The following IMPA2 variants were observed in gnomAD, a reference collection of about 807,000 sequenced individuals.
IMPA2 encodes the protein IMP 2.
Under a neutral mutation model 35.1 loss-of-function variants are expected in IMPA2, and 32 were observed. The observed-to-expected ratio is 0.91, with a 90% confidence interval of 0.69 to 1.23. IMPA2 has a LOEUF of 1.23. IMPA2 is among the 50% of genes most tolerant of loss of function. The pLI is 0.00. For missense variants in IMPA2, 334 were observed against 387.6 expected (o/e 0.86, Z 1.16); for synonymous variants, 135 against 160.6 (o/e 0.84, Z 1.20).
At position 12,006,686 on chromosome 18, in the gene IMPA2, G is replaced by GT. The variant is rs753956026; in HGVS notation, c.231-3195dup. Among the ~76,000 whole-genome samples the GT allele has an allele frequency of 1.4e-4, 21 of 152,314 alleles. No homozygotes were observed. The East Asian group carries it at 4.1e-3, about 29-fold the overall frequency. On this transcript the variant is annotated intron_variant, in intron 2 of 7. Coordinates refer to ENST00000269159, the MANE Select transcript of IMPA2 (RefSeq NM_014214.3). ...ATGCGTGCACTTGTCGTATCCCAGG[G>GT]TTGTATTTCTAGATAATTTATCAGC...
At chr18:11,985,424 C>T (rs1906638388) in intron 1 of IMPA2, among the ~76,000 whole-genome samples, 1 of 152,260 alleles carries the variant, frequency 6.6e-6, no homozygotes, top group Middle Eastern at 3.4e-3. Context: ...ATAAATTCAG[C>T]ATTTCCTGTT....
chr18:12,022,837 C>T (rs915327186), intron 5 of IMPA2, among the ~76,000 whole-genome samples: 52 of 149,926 alleles, frequency 3.5e-4, no homozygotes, highest in African/African-American at 1.2e-3. Context: ...TGCAGTGGCA[C>T]GATCTTGGCT....
rs775792794 is a variant in IMPA2 at position 12,014,319 on chromosome 18, C to T, written c.436C>T (p.Arg146Trp). 7.4e-6 allele frequency: 12 copies of T among 1,611,054 alleles called. No homozygotes were observed. Among genetic ancestry groups the T allele is most frequent in the Admixed American group, 1.7e-5 (1 of 59,530 alleles). Reference protein sequence around the residue: ...CTEERLYTGRRGRGAFCNGQR... With the variant: ...CTEERLYTGRWGRGAFCNGQR... ...AGAGGAGCGGCTGTACACGGGCCGG[C>T]GGGGTCGGGGCGCCTTCTGCAATGG... The change falls in exon 5 of 8, where the codon CGG becomes TGG. Residue 146 changes from arginine (R) to tryptophan (W), a missense_variant. Transcript: ENST00000269159.
At chr18:12,024,435 G>C (rs1438848568) in intron 5 of IMPA2, among the ~76,000 whole-genome samples, 1 of 152,212 alleles carries the variant, frequency 6.6e-6, no homozygotes, top group Non-Finnish European at 1.5e-5. Context: ...AGTGAGCTGA[G>C]ATCGCACCAT....
At chr18:12,028,700 C>A in intron 6 of IMPA2, 142 bp from the exon 7 acceptor site, 3 of 966,024 alleles carry the variant, frequency 3.1e-6, no homozygotes, top group Non-Finnish European at 4.6e-6. Context: ...CTATATTCAG[C>A]CTCCAGAGCT....
chr18:12,022,330 G>A (rs538980744), intron 5 of IMPA2, among the ~76,000 whole-genome samples: 5 of 151,866 alleles, frequency 3.3e-5, no homozygotes, highest in East Asian at 3.9e-4. Flanking sequence ...TCAGGAGTTC[G>A]AGATCAGCCT....
intron 2 of IMPA2, among the ~76,000 whole-genome samples, chr18:12,004,014 T>C (rs1907187349): frequency 6.6e-6 from 1 of 152,240 alleles, no homozygotes; most frequent in African/African-American, 2.4e-5. Flanking sequence ...AGAGCCCCCA[T>C]GTAACCTGCT....
Position 12,030,724 on chromosome 18 carries a change from A to C in IMPA2, c.*266A>C. 2 of 426,308 alleles carry C rather than the reference A, an allele frequency of 4.7e-6. No homozygotes were observed. The highest frequency in any genetic ancestry group is 4.2e-6 in the Non-Finnish European group (1 of 236,824). The allele number at this position is 426,308 out of a possible 1,614,324, so 26.4% of individuals were successfully genotyped here. A position where few individuals can be genotyped will look rare whatever the true frequency, so the allele number is the denominator to read the frequency against. On this transcript the variant is annotated 3_prime_UTR_variant, in exon 8 of 8. Transcript: ENST00000269159. ...TTCTTCTGTCAGGGCCAAAACTCAA[A>C]TCTCCTGTGAAATACGTATTGATAA...
chr18:11,985,166 AAAAG>A (rs1433208095), intron 1 of IMPA2, among the ~76,000 whole-genome samples: 7 of 149,608 alleles, frequency 4.7e-5, no homozygotes, highest in South Asian at 2.1e-4. Context: ...AAAAAAAAAA[AAAAG>A]AGAAAATACA....
intron 5 of IMPA2, among the ~76,000 whole-genome samples, chr18:12,024,002 G>A (rs1271337352): frequency 1.3e-5 from 2 of 151,960 alleles, no homozygotes; most frequent in South Asian, 2.1e-4. Context: ...CATCTATCTC[G>A]AAAAAAATCA....
At chr18:11,985,657 C>T (rs1194484944) in intron 1 of IMPA2, among the ~76,000 whole-genome samples, 1 of 152,164 alleles carries the variant, frequency 6.6e-6, no homozygotes, top group Non-Finnish European at 1.5e-5. Context: ...ATTTTCAGTG[C>T]CAGTGTCTGT....
At chr18:12,002,963 C>G (rs1398469570) in intron 2 of IMPA2, among the ~76,000 whole-genome samples, 1 of 151,242 alleles carries the variant, frequency 6.6e-6, no homozygotes, top group Non-Finnish European at 1.5e-5. Context: ...GAGGCCGAGG[C>G]GGGTGGATCA....
chr18:12,014,747 C>T (rs1238506096), intron 5 of IMPA2, among the ~76,000 whole-genome samples: 1 of 152,212 alleles, frequency 6.6e-6, no homozygotes, highest in East Asian at 1.9e-4. Context: ...CCAGGCACTG[C>T]TGCCCAGGTG....
chr18:12,001,974 G>A (rs764335337), intron 2 of IMPA2, among the ~76,000 whole-genome samples: 1 of 152,236 alleles, frequency 6.6e-6, no homozygotes, highest in African/African-American at 2.4e-5. Flanking sequence ...TGTGGACACG[G>A]TGAAAGCAGC....
chr18:12,005,220 A>G (rs943451156), intron 2 of IMPA2, among the ~76,000 whole-genome samples: 3 of 152,232 alleles, frequency 2.0e-5, no homozygotes, highest in Admixed American at 2.0e-4. Flanking sequence ...GCAGAGGTGT[A>G]CACAAGGTGG....
At chr18:12,008,548 AG>A (rs1907342761) in intron 2 of IMPA2, 1 of 456,766 alleles carries the variant, frequency 2.2e-6, no homozygotes, top group African/African-American at 2.0e-5. Context: ...TGCCTTTGGA[AG>A]GTGTAAACAG....
intron 2 of IMPA2, among the ~76,000 whole-genome samples, chr18:12,000,923 T>C (rs1457454257): frequency 6.7e-6 from 1 of 149,604 alleles, no homozygotes; most frequent in Non-Finnish European, 1.5e-5. Context: ...CCCCAGTGTT[T>C]GTGATTTTTA....
chr18:11,987,170 G>C (rs1906690117), intron 1 of IMPA2, among the ~76,000 whole-genome samples: 1 of 152,038 alleles, frequency 6.6e-6, no homozygotes, highest in Non-Finnish European at 1.5e-5. Context: ...CCCACCGCAG[G>C]GTTTCTCATT....
Position 12,030,680 on chromosome 18 carries a change from T to A in IMPA2, c.*222T>A. 1.9e-6 allele frequency: 1 copy of A among 528,502 alleles called. No homozygotes were observed. Among genetic ancestry groups the A allele is most frequent in the South Asian group, 2.3e-5 (1 of 42,852 alleles). The allele number at this position is 528,502 out of a possible 1,614,324, so 32.7% of individuals were successfully genotyped here. A position where few individuals can be genotyped will look rare whatever the true frequency, so the allele number is the denominator to read the frequency against. The stretch of plus-strand genomic sequence containing the variant: ...TTTCTCTCTTTAATCTCACGTAGCC[T>A]TTTTCAGGTTAGTACGTGTTCTTCT... On this transcript the variant is annotated 3_prime_UTR_variant, in exon 8 of 8. Transcript: ENST00000269159.
Sources: gnomAD v4.1 joint callset for allele counts (sites outside exome capture counted in the v4.1 genomes callset) on GRCh38, gnomAD v4.1.1 for gene constraint, MANE v1.5 for transcripts, NCBI Gene and HGNC (gene_info 2026-07-23, HGNC 2026-07-21) for gene names.